The following EYS variants were observed in gnomAD, a reference collection of about 807,000 sequenced individuals.
EYS encodes the protein EGF-like photoreceptor maintenance factor.
A neutral mutation model predicts 282.1 loss-of-function variants in EYS; 250 were observed. That is an observed-to-expected ratio of 0.89 (90% CI 0.80 to 0.98). EYS has a LOEUF of 0.98. Ranked by LOEUF, EYS falls within the 50% of genes least tolerant of loss-of-function variation. The pLI is 0.00. For synonymous variants in EYS, 1,355 were observed against 1,282.9 expected (o/e 1.06, Z -1.20); for missense variants, 4,016 against 3,709.0 (o/e 1.08, Z -2.15).
intron 19 of EYS, among the ~76,000 whole-genome samples, chr6:64,845,299 A>AT (rs1195056541): frequency 2.6e-5 from 4 of 152,028 alleles, no homozygotes; most frequent in Non-Finnish European, 4.4e-5. Context: ...TAAAAAAAAA[A>AT]TTAAAAATAA....
At chr6:64,201,120 T>G (rs1224033279) in intron 31 of EYS, among the ~76,000 whole-genome samples, 2 of 152,116 alleles carry the variant, frequency 1.3e-5, no homozygotes, top group Non-Finnish European at 2.9e-5. Context: ...TTTTGCCAGA[T>G]GAAGGAGAGT....
In EYS at chr6:64,557,581, G is replaced by T. The variant is rs1361495134; in HGVS notation, c.5644+32642C>A. On this transcript the variant is annotated intron_variant, in intron 26 of 42. Transcript: ENST00000503581. ...CATTCTAGAAATATATTTTTAAAAA[G>T]GTTAAAAACAGAGCAAATTATAATC... Among the ~76,000 whole-genome samples, 4 of 151,640 alleles carry T rather than the reference G, an allele frequency of 2.6e-5. No individual in the cohort carries two copies. The East Asian group carries it at 5.8e-4, about 22-fold the overall frequency.
chr6:65,218,355 A>G (rs968404206), intron 12 of EYS, among the ~76,000 whole-genome samples: 3 of 152,120 alleles, frequency 2.0e-5, no homozygotes, highest in Non-Finnish European at 4.4e-5. Flanking sequence ...GATGGTATGA[A>G]GCATATTTGA....
chr6:64,076,908 A>G (rs1262333186), intron 32 of EYS, among the ~76,000 whole-genome samples: 4 of 151,830 alleles, frequency 2.6e-5, no homozygotes, highest in African/African-American at 9.7e-5. Context: ...CCAAAGAATT[A>G]TGTAGCTATC....
At chr6:65,189,327 G>C (rs1204421510) in intron 12 of EYS, among the ~76,000 whole-genome samples, 1 of 151,600 alleles carries the variant, frequency 6.6e-6, no homozygotes, top group Non-Finnish European at 1.5e-5. Flanking sequence ...ATTTTGCAAA[G>C]TTTCGTTCAT....
intron 18 of EYS, among the ~76,000 whole-genome samples, chr6:64,894,510 T>C (rs1364497059): frequency 1.3e-5 from 2 of 152,170 alleles, no homozygotes; most frequent in African/African-American, 4.8e-5. Flanking sequence ...TGTATAGTTC[T>C]GGAGGACAGA....
intron 31 of EYS, among the ~76,000 whole-genome samples, chr6:64,146,385 T>C (rs1349325294): frequency 2.0e-5 from 3 of 152,170 alleles, no homozygotes. Flanking sequence ...AATTTTACTA[T>C]AACATATTTA....
At chr6:65,593,990 A>G (rs1342051536) in intron 2 of EYS, among the ~76,000 whole-genome samples, 1 of 151,996 alleles carries the variant, frequency 6.6e-6, no homozygotes, top group East Asian at 1.9e-4. Flanking sequence ...AAAATCAGTC[A>G]GCTGTTAGGT....
intron 22 of EYS, among the ~76,000 whole-genome samples, chr6:64,805,587 T>C (rs2150010990): frequency 6.6e-6 from 1 of 151,780 alleles, no homozygotes; most frequent in South Asian, 2.1e-4. Flanking sequence ...AAAGTAGAAA[T>C]CATAACAGGA....
intron 36 of EYS, among the ~76,000 whole-genome samples, chr6:63,825,789 G>A (rs989998077): frequency 6.6e-6 from 1 of 152,168 alleles, no homozygotes; most frequent in Non-Finnish European, 1.5e-5. Flanking sequence ...CCACCCAAAT[G>A]AGAAGGAACC....
chr6:64,512,847 T>G (rs1486867410), intron 26 of EYS, among the ~76,000 whole-genome samples: 1 of 151,960 alleles, frequency 6.6e-6, no homozygotes, highest in African/African-American at 2.4e-5. Flanking sequence ...AAGTCAGGCA[T>G]AAGATGATTC....
chr6:64,474,060 G>A (rs1407833605), intron 26 of EYS, among the ~76,000 whole-genome samples: 1 of 152,060 alleles, frequency 6.6e-6, no homozygotes, highest in African/African-American at 2.4e-5. Context: ...CAACCTAAAA[G>A]GCCCTCTTCT....
intron 8 of EYS, among the ~76,000 whole-genome samples, chr6:65,375,254 G>A (rs1562132780): frequency 1.3e-5 from 2 of 152,136 alleles, no homozygotes; most frequent in African/African-American, 2.4e-5. Flanking sequence ...GGTCTGCAGT[G>A]GACCTCCAGC....
chr6:64,906,261 AT>A (rs2150073594), intron 16 of EYS, among the ~76,000 whole-genome samples: 2 of 151,964 alleles, frequency 1.3e-5, no homozygotes, highest in East Asian at 3.9e-4. Context: ...TTTAACATCT[AT>A]TTTTAAAGTG....
At chr6:64,156,848 G>A (rs1774937925) in intron 31 of EYS, among the ~76,000 whole-genome samples, 1 of 151,698 alleles carries the variant, frequency 6.6e-6, no homozygotes, top group Non-Finnish European at 1.5e-5. Flanking sequence ...GTTGGGTGTT[G>A]TTAAAGGCAT....
chr6:63,739,639 A>G (rs1354531876), intron 41 of EYS, among the ~76,000 whole-genome samples: 2 of 152,120 alleles, frequency 1.3e-5, no homozygotes, highest in Admixed American at 6.6e-5. Context: ...CATTCACTTC[A>G]AGGAAATTCA....
intron 30 of EYS, among the ~76,000 whole-genome samples, chr6:64,241,136 T>C (rs551091629): frequency 1.3e-5 from 2 of 152,182 alleles, no homozygotes; most frequent in Non-Finnish European, 2.9e-5. Flanking sequence ...TGCTGCTGGA[T>C]TAGGTTTGCC....
intron 36 of EYS, among the ~76,000 whole-genome samples, chr6:63,863,144 C>CA (rs1238599988): frequency 6.6e-6 from 1 of 152,164 alleles, no homozygotes; most frequent in Non-Finnish European, 1.5e-5. Context: ...CCAAATATCA[C>CA]AAGTGTCAAA....
intron 19 of EYS, among the ~76,000 whole-genome samples, chr6:64,832,712 G>A (rs906861869): frequency 6.6e-6 from 1 of 151,824 alleles, no homozygotes; most frequent in African/African-American, 2.4e-5. Context: ...ATGGATATAT[G>A]CATATGTCAA....
Sources: gnomAD v4.1 joint callset for allele counts (sites outside exome capture counted in the v4.1 genomes callset) on GRCh38, gnomAD v4.1.1 for gene constraint, MANE v1.5 for transcripts, NCBI Gene and HGNC (gene_info 2026-07-23, HGNC 2026-07-21) for gene names.